RPAP1: variants seen among roughly 807,000 people sequenced by gnomAD.
The protein encoded by RPAP1 is RNA polymerase II associated protein 1, also known as RNA polymerase II-associated protein 1.
RPAP1 carries 109 observed loss-of-function variants against 142.4 expected under a neutral mutation model. That is an observed-to-expected ratio of 0.77 (90% CI 0.66 to 0.90). The LOEUF is 0.90. RPAP1 is among the 40% of genes least tolerant of loss of function. The pLI is 0.00. For synonymous variants in RPAP1, 704 were observed against 738.9 expected, an observed-to-expected ratio of 0.95 and a Z score of 0.77; for missense variants, 1,546 against 1,751.7, an observed-to-expected ratio of 0.88 and a Z score of 2.10.
chr15:41,521,980 C>T, intron 20 of RPAP1, 100 bp from the exon 21 acceptor site: 6 of 1,558,018 alleles, frequency 3.9e-6, no homozygotes, highest in Non-Finnish European at 5.3e-6. Context: ...GGCAGAGGTC[C>T]AGGGCATGTC....
intron 1 of RPAP1, among the ~76,000 whole-genome samples, chr15:41,541,498 G>A (rs1348762317): frequency 2.0e-5 from 3 of 151,440 alleles, no homozygotes; most frequent in Non-Finnish European, 4.4e-5. Flanking sequence ...CCTCCTAAAA[G>A]TTGAAGGAGG....
Position 41,522,200 on chromosome 15 carries a change from A to G in RPAP1, c.2793T>C (p.Cys931=). Residue 931 remains cysteine (C), a synonymous_variant, in exon 20 of 25, where the codon TGT becomes TGC. Transcript: ENST00000304330. The stretch of plus-strand genomic sequence containing the variant: ...GGTGTGGGGCAGCCCCAGGAGCCAC[A>G]CACTGGAGGAAGTAATTCTGGAGTC... ...APGLQNYFLQ[C]VAPGAAPHLT... is the part of the protein sequence containing the mutation. The G allele has an allele frequency of 6.2e-7, 1 of 1,614,118 alleles. No homozygotes were observed. Among genetic ancestry groups the G allele is most frequent in the Non-Finnish European group, 8.5e-7 (1 of 1,180,024 alleles).
chr15:41,521,785 G>A lies in RPAP1; in HGVS notation c.2991C>T (p.Leu997=), dbSNP rs765232851. ...LSRLLPGSEY[L]THELLLSCVF... is the part of the protein sequence containing the mutation. ...CACAGCTCAGCAGCAGCTCATGGGT[G>A]AGGTACTCACTTCCGGGCAGCAGCC... The change falls in exon 21 of 25, where the codon CTC becomes CTT. Residue 997 remains leucine (L), a synonymous_variant. Transcript: ENST00000304330. 1 of 1,614,214 alleles carries A rather than the reference G, an allele frequency of 6.2e-7. No homozygotes were observed. The highest frequency in any genetic ancestry group is 1.1e-5 in the South Asian group (1 of 91,078).
chr15:41,524,552 T>C (rs1440752449), intron 15 of RPAP1, among the ~76,000 whole-genome samples: 1 of 149,868 alleles, frequency 6.7e-6, no homozygotes, highest in East Asian at 2.0e-4. Flanking sequence ...CTCGGCTCAC[T>C]GCAACCTCTG....
Position 41,537,035 on chromosome 15 carries a change from G to A in RPAP1, c.91C>T (p.Gln31Ter). Residue 31 changes from glutamine to a stop codon, truncating the protein, a stop_gained, in exon 2 of 25, where the codon CAG becomes TAG. Coordinates refer to ENST00000304330, the MANE Select transcript of RPAP1 (RefSeq NM_015540.4). LOFTEE classifies it high-confidence loss of function. The part of the protein sequence containing the change: ...FLAAGAAPAV[Q>*]LVKKGNRGGG... ...CCCCTATTTCCTTTCTTCACCAACT[G>A]CACTGCTGGGGCTGCACCAGCTGCG... 6.2e-7 allele frequency: 1 copy of A among 1,613,904 alleles called. No individual in the cohort carries two copies. Among genetic ancestry groups the A allele is most frequent in the Non-Finnish European group, 8.5e-7 (1 of 1,179,890 alleles).
chr15:41,522,879 C>A lies in RPAP1; in HGVS notation c.2628G>T (p.Ser876=). ...CCAGACTGAGACGGGGGCAGCCTCCCGAGCAGCCCAGTGACACGAGGCTGG... is the reference window on the plus strand; with the variant it reads ...CCAGACTGAGACGGGGGCAGCCTCCAGAGCAGCCCAGTGACACGAGGCTGG... ...APPSLVSLGC[S]GGCPRLSLAG... The change falls in exon 19 of 25, where the codon TCG becomes TCT. Residue 876 remains serine, a synonymous_variant. Coordinates refer to ENST00000304330, the MANE Select transcript of RPAP1 (RefSeq NM_015540.4). The A allele has an allele frequency of 6.3e-7, 1 of 1,577,516 alleles. No homozygotes were observed. Among genetic ancestry groups the A allele is most frequent in the Non-Finnish European group, 8.6e-7 (1 of 1,168,914 alleles).
At chr15:41,524,373 G>C in intron 15 of RPAP1, 119 bp from the exon 16 acceptor site, 5 of 816,982 alleles carry the variant, frequency 6.1e-6, no homozygotes, top group Non-Finnish European at 8.9e-6. Context: ...AGGAAGAGTG[G>C]GGCACTCTTG....
At chr15:41,536,090 T>C in intron 4 of RPAP1, 39 bp downstream of exon 4, 1 of 1,492,124 alleles carries the variant, frequency 6.7e-7, no homozygotes, top group Non-Finnish European at 9.3e-7. Context: ...GACTCACCTG[T>C]CTGTCTCCTG....
intron 14 of RPAP1, among the ~76,000 whole-genome samples, chr15:41,525,494 A>G (rs575221824): frequency 4.6e-5 from 7 of 151,902 alleles, no homozygotes; most frequent in African/African-American, 1.7e-4. Flanking sequence ...ATGCGCCACC[A>G]TGCCCGACTA....
At chr15:41,539,133 G>C (rs1414742928) in intron 1 of RPAP1, among the ~76,000 whole-genome samples, 1 of 152,136 alleles carries the variant, frequency 6.6e-6, no homozygotes, top group Non-Finnish European at 1.5e-5. Flanking sequence ...TATTGTGACA[G>C]AGTCTGGCTC....
chr15:41,532,051 T>C (rs1016827441), intron 6 of RPAP1, among the ~76,000 whole-genome samples: 1 of 149,538 alleles, frequency 6.7e-6, no homozygotes. Context: ...AGACAGAGTC[T>C]CACTCTGTCG....
At chr15:41,524,427 G>C (rs115687449) in intron 15 of RPAP1, among the ~76,000 whole-genome samples, 173 bp from the exon 16 acceptor site, 2,185 of 151,852 alleles carry the variant, frequency 0.014, 61 homozygotes, top group African/African-American at 0.051. Context: ...GTCCTTCAAG[G>C]CTGCCCCCAA....
At chr15:41,537,797 C>A (rs959895953) in intron 1 of RPAP1, among the ~76,000 whole-genome samples, 2 of 149,732 alleles carry the variant, frequency 1.3e-5, no homozygotes, top group African/African-American at 2.5e-5. Context: ...ACAGGAGAAT[C>A]GCTTGAACCT....
intron 16 of RPAP1, 21 bp from the exon 17 acceptor site, chr15:41,523,993 G>A (rs1346302691): frequency 6.2e-7 from 1 of 1,613,250 alleles, no homozygotes; most frequent in Non-Finnish European, 8.5e-7. Context: ...GCCAAAGGGT[G>A]CCACAGTGAG....
At chr15:41,530,270 G>A (rs1050917902) in intron 7 of RPAP1, among the ~76,000 whole-genome samples, 12 of 152,142 alleles carry the variant, frequency 7.9e-5, no homozygotes, top group Non-Finnish European at 7.4e-5. Flanking sequence ...AGAAAGAAAG[G>A]AGAAAAAGAT....
chr15:41,518,234 T>G, intron 22 of RPAP1, 52 bp from the exon 23 acceptor site: 14 of 1,447,520 alleles, frequency 9.7e-6, no homozygotes, highest in South Asian at 1.4e-5. Flanking sequence ...TGTATATACA[T>G]ACATAAGGTG....
rs764697841 is a variant in RPAP1 at position 41,527,406 on chromosome 15, A to C, written c.1611+17T>G. ...TGTCCCCTGGGCCATGGGATGGGAAAGAAGCTGTCCCTTTACCTTGATGAC... is the reference window on the plus strand; with the variant it reads ...TGTCCCCTGGGCCATGGGATGGGAACGAAGCTGTCCCTTTACCTTGATGAC... On this transcript the variant is annotated intron_variant, in intron 12 of 24. Transcript: ENST00000304330. 1 of 1,613,808 alleles carries C rather than the reference A, an allele frequency of 6.2e-7. No homozygotes were observed. The highest frequency in any genetic ancestry group is 8.5e-7 in the Non-Finnish European group (1 of 1,179,860).
intron 14 of RPAP1, among the ~76,000 whole-genome samples, chr15:41,526,617 T>C (rs372632750): frequency 6.6e-6 from 1 of 152,210 alleles, no homozygotes; most frequent in Non-Finnish European, 1.5e-5. Context: ...AGATGATGAA[T>C]GCCTATGTGC....
intron 22 of RPAP1, among the ~76,000 whole-genome samples, chr15:41,519,331 C>T (rs530209009): frequency 3.9e-5 from 6 of 152,108 alleles, no homozygotes; most frequent in Admixed American, 6.6e-5. Flanking sequence ...CCTCAGCCTC[C>T]GGAGTAGCTG....
Sources: gnomAD v4.1 joint callset for allele counts (sites outside exome capture counted in the v4.1 genomes callset) on GRCh38, gnomAD v4.1.1 for gene constraint, MANE v1.5 for transcripts, NCBI Gene and HGNC (gene_info 2026-07-23, HGNC 2026-07-21) for gene names.